ZNF175: variants seen among roughly 807,000 people sequenced by gnomAD.
The protein encoded by ZNF175 is zinc finger protein 175, also known as zinc finger protein OTK18.
Under a neutral mutation model 14.0 loss-of-function variants are expected in ZNF175, and 8 were observed. The ratio of observed to expected loss-of-function variants is 0.57; its 90% confidence interval spans 0.34 to 1.03. ZNF175 has a LOEUF of 1.03. ZNF175 is among the 50% of genes least tolerant of loss of function. The pLI is 0.03. For synonymous variants in ZNF175, 255 were observed against 296.8 expected (o/e 0.86, Z 1.45); for missense variants, 764 against 849.5 (o/e 0.90, Z 1.25).
chr19:51,573,520 A>G lies in ZNF175; in HGVS notation c.72+119A>G, dbSNP rs773794484. The G allele has an allele frequency of 2.2e-5, 20 of 912,230 alleles. No homozygotes were observed. In the South Asian group the frequency reaches 3.1e-4, roughly 14 times the overall value. 56.5% of individuals were successfully genotyped at this position (912,230 alleles called of 1,614,324 possible). ...GAGCCTCCTGTCAAGCGAGGACCAC[A>G]GAGGCTGATGTTTCCACATTCATAG... On this transcript the variant is annotated intron_variant, in intron 2 of 4. Transcript: ENST00000262259.
rs890089867 is a variant in ZNF175, at chr19:51,590,606, C to G, written c.*2139C>G. On this transcript the variant is annotated 3_prime_UTR_variant, in exon 5 of 5. Transcript: ENST00000262259. ...TCAGGCTGTGTCTAAAACAAGGTGA[C>G]TGCACATGCAGGAGCCTGTGCTGGG... 31 of 152,304 alleles carry G rather than the reference C, an allele frequency of 2.0e-4. No individual in the cohort carries two copies. Among genetic ancestry groups the G allele is most frequent in the African/African-American group, 7.5e-4 (31 of 41,446 alleles). 9.4% of individuals were successfully genotyped at this position (152,304 alleles called of 1,614,324 possible).
Position 51,591,917 on chromosome 19 carries a change from C to A in ZNF175, c.*3450C>A, listed in dbSNP as rs1020152511. 5 of 151,732 alleles carry A rather than the reference C, an allele frequency of 3.3e-5. No homozygotes were observed. The highest frequency in any genetic ancestry group is 2.0e-4 in the Admixed American group (3 of 15,202). 9.4% of individuals were successfully genotyped at this position (151,732 alleles called of 1,614,324 possible). On this transcript the variant is annotated 3_prime_UTR_variant, in exon 5 of 5. Transcript: ENST00000262259. Reference sequence around the variant, plus strand: ...CCGAGTAGCTGGGACTACAGGCGCCCACCACCATGCCTGGCTAATTTTTTG... The same window carrying A: ...CCGAGTAGCTGGGACTACAGGCGCCAACCACCATGCCTGGCTAATTTTTTG...
chr19:51,575,772 C>T (rs1027346742), intron 2 of ZNF175, among the ~76,000 whole-genome samples: 3 of 152,134 alleles, frequency 2.0e-5, no homozygotes, highest in African/African-American at 7.2e-5. Context: ...TGTTAATTAA[C>T]ACGTTAATTA....
At chr19:51,574,202 C>G (rs987585836) in intron 2 of ZNF175, 5 of 152,044 alleles carry the variant, frequency 3.3e-5, no homozygotes, top group African/African-American at 1.2e-4. Context: ...TGTTATTATC[C>G]TGAACCAATA....
chr19:51,586,722 T>C lies in ZNF175; in HGVS notation c.391T>C (p.Trp131Arg). 4.3e-6 allele frequency: 7 copies of C among 1,614,224 alleles called. No individual in the cohort carries two copies. Among genetic ancestry groups the C allele is most frequent in the Non-Finnish European group, 5.9e-6 (7 of 1,180,024 alleles). ...MVGEFTRDGS[W>R]CSILEELRLD... ...AGGTGAGTTCACAAGAGATGGTTCA[T>C]GGTGTTCCATTTTAGAAGAACTGAG... is the stretch of plus-strand genomic sequence containing the variant. Residue 131 changes from tryptophan to arginine, a missense_variant, in exon 5 of 5, where the codon TGG (tryptophan) becomes CGG (arginine). Trp to Arg is a moderately radical substitution (Grantham distance 101). Coordinates refer to ENST00000262259, the MANE Select transcript of ZNF175 (RefSeq NM_007147.4).
intron 2 of ZNF175, among the ~76,000 whole-genome samples, chr19:51,579,251 C>CAAA (rs34198978): frequency 1.7e-4 from 10 of 58,090 alleles, no homozygotes; most frequent in African/African-American, 3.0e-4. Flanking sequence ...GACTCCATCT[C>CAAA]AAAAAAAAAA....
In ZNF175 at chr19:51,587,880, C is replaced by T. The variant is rs1982223464; in HGVS notation, c.1549C>T (p.His517Tyr). ...DCGKTFTQKS[H>Y]LNIHQKIHTG... Reference sequence around the variant, plus strand: ...TGGAAAAACCTTCACCCAAAAGTCACACCTGAATATACACCAGAAAATTCA... The same window carrying T: ...TGGAAAAACCTTCACCCAAAAGTCATACCTGAATATACACCAGAAAATTCA... Residue 517 changes from histidine (H) to tyrosine (Y), a missense_variant, in exon 5 of 5, where the codon CAC becomes TAC. Physicochemically the swap from His to Tyr is moderately conservative, Grantham distance 83. Coordinates refer to ENST00000262259, the MANE Select transcript of ZNF175 (RefSeq NM_007147.4). 3 of 1,614,102 alleles carry T rather than the reference C, an allele frequency of 1.9e-6. No individual in the cohort carries two copies. Among genetic ancestry groups the T allele is most frequent in the Non-Finnish European group, 2.5e-6 (3 of 1,180,010 alleles).
chr19:51,577,863 C>T (rs1233955736), intron 2 of ZNF175, among the ~76,000 whole-genome samples: 3 of 151,338 alleles, frequency 2.0e-5, no homozygotes, highest in Non-Finnish European at 2.9e-5. Flanking sequence ...TGGGGTTTCA[C>T]CGTGTTAGCC....
At position 51,591,942 on chromosome 19, in the gene ZNF175, G is replaced by C. The variant is rs912800530; in HGVS notation, c.*3475G>C. ...CACCACCATGCCTGGCTAATTTTTT[G>C]TATTTTTAGTAGAGACGGGGTTTCA... On this transcript the variant is annotated 3_prime_UTR_variant, in exon 5 of 5. Coordinates refer to ENST00000262259, the MANE Select transcript of ZNF175 (RefSeq NM_007147.4). The C allele has an allele frequency of 6.6e-6, 1 of 151,540 alleles. No individual in the cohort carries two copies. The highest frequency in any genetic ancestry group is 1.5e-5 in the Non-Finnish European group (1 of 67,832). The allele number at this position is 151,540 out of a possible 1,614,324, so 9.4% of individuals were successfully genotyped here. A position where few individuals can be genotyped will look rare whatever the true frequency, so the allele number is the denominator to read the frequency against.
intron 2 of ZNF175, among the ~76,000 whole-genome samples, chr19:51,577,010 C>T (rs1437589464): frequency 1.3e-5 from 2 of 151,988 alleles, no homozygotes; most frequent in Non-Finnish European, 2.9e-5. Context: ...CCACTGCACT[C>T]CATCCTGGGT....
chr19:51,588,541 A>AC lies in ZNF175; in HGVS notation c.*74_*75insC. 3 of 1,452,412 alleles carry AC rather than the reference A, an allele frequency of 2.1e-6. No homozygotes were observed. Among genetic ancestry groups the AC allele is most frequent in the Non-Finnish European group, 2.7e-6 (3 of 1,096,486 alleles). The allele number at this position is 1,452,412 out of a possible 1,614,324, so 90.0% of individuals were successfully genotyped here. On this transcript the variant is annotated 3_prime_UTR_variant, in exon 5 of 5. Coordinates refer to ENST00000262259, the MANE Select transcript of ZNF175 (RefSeq NM_007147.4). ...TTGAAGAAGAGAAAATCTTCTCAGAATCAGGTCTAATTATATGTTATTGAA... is the reference window on the plus strand; with the variant it reads ...TTGAAGAAGAGAAAATCTTCTCAGAACTCAGGTCTAATTATATGTTATTGAA...
At chr19:51,575,459 C>T (rs569155316) in intron 2 of ZNF175, among the ~76,000 whole-genome samples, 6 of 152,146 alleles carry the variant, frequency 3.9e-5, no homozygotes, top group East Asian at 3.9e-4. Flanking sequence ...CCTCGTGATC[C>T]GCCTGCCTCA....
rs7259184 is a variant in ZNF175, at chr19:51,592,011, C to G, written c.*3544C>G. On this transcript the variant is annotated 3_prime_UTR_variant, in exon 5 of 5. Transcript: ENST00000262259. ...TCTCGATCTCCTGACCTCGTGATCC[C>G]CCCCCCTCGGCCTCCCAAAGTGCCC... 127,387 of 152,062 alleles carry G rather than the reference C, an allele frequency of 0.84. 53,826 individuals carry two copies. The highest frequency in any genetic ancestry group is 0.94 in the African/African-American group (39,180 of 41,468). 9.4% of individuals were successfully genotyped at this position (152,062 alleles called of 1,614,324 possible). A position where few individuals can be genotyped will look rare whatever the true frequency, so the allele number is the denominator to read the frequency against.
chr19:51,572,324 C>T (rs1016863633), intron 1 of ZNF175, among the ~76,000 whole-genome samples: 5 of 152,184 alleles, frequency 3.3e-5, no homozygotes, highest in Non-Finnish European at 7.3e-5. Flanking sequence ...TCAGTGATTG[C>T]ATTCAGGTGC....
chr19:51,577,719 A>G (rs1469238932), intron 2 of ZNF175, among the ~76,000 whole-genome samples: 6 of 137,844 alleles, frequency 4.4e-5, no homozygotes, highest in East Asian at 4.4e-4. Flanking sequence ...GCTGGAGTGC[A>G]GTGGCACGAT....
chr19:51,579,113 C>T (rs1483068806), intron 2 of ZNF175, among the ~76,000 whole-genome samples: 1 of 151,946 alleles, frequency 6.6e-6, no homozygotes, highest in Non-Finnish European at 1.5e-5. Flanking sequence ...ATTAGCCAGG[C>T]ATGTTGGCAG....
At chr19:51,577,599 C>T (rs1981831690) in intron 2 of ZNF175, among the ~76,000 whole-genome samples, 1 of 151,470 alleles carries the variant, frequency 6.6e-6, no homozygotes, top group South Asian at 2.1e-4. Flanking sequence ...ATAGATAATA[C>T]ACAGCATTCA....
intron 2 of ZNF175, among the ~76,000 whole-genome samples, chr19:51,580,072 TATC>T (rs1158739325): frequency 1.3e-5 from 2 of 152,078 alleles, no homozygotes; most frequent in East Asian, 3.8e-4. Flanking sequence ...TAAGTAAAAA[TATC>T]ATTAAATTGA....
In ZNF175 at chr19:51,578,571, G is replaced by A. The variant is rs561010625; in HGVS notation, c.73-2820G>A. Among the ~76,000 whole-genome samples the A allele has an allele frequency of 3.9e-5, 6 of 152,120 alleles. No homozygotes were observed. The East Asian group carries it at 7.8e-4, about 20-fold the overall frequency. On this transcript the variant is annotated intron_variant, in intron 2 of 4. Transcript: ENST00000262259. The stretch of plus-strand genomic sequence containing the variant: ...TTGCTTGAGCCCAGGAGTTTGAGAC[G>A]ATCCTGAGCGTCATAGGGAGACCCC...
Sources: allele counts gnomAD v4.1 joint callset (sites outside exome capture counted in the v4.1 genomes callset), GRCh38; gene constraint gnomAD v4.1.1; transcripts MANE v1.5; gene names NCBI Gene and HGNC (gene_info 2026-07-23, HGNC 2026-07-21).